CNTNAP2: variants seen among roughly 807,000 people sequenced by gnomAD.
The protein encoded by CNTNAP2 is contactin-associated protein-like 2.
In CNTNAP2, 98 loss-of-function variants were observed where a neutral mutation model predicts 155.2. The observed-to-expected ratio is 0.63, with a 90% CI of 0.54 to 0.75. The LOEUF (loss-of-function observed/expected upper bound fraction) is 0.75, where lower values mean the gene tolerates loss of function less well. CNTNAP2 is among the 30% of genes least tolerant of loss of function. CNTNAP2 has a pLI of 0.00. For synonymous variants in CNTNAP2, 651 were observed against 631.2 expected, an observed-to-expected ratio of 1.03 and a Z score of -0.47; for missense variants, 1,727 against 1,688.1, an observed-to-expected ratio of 1.02 and a Z score of -0.40.
intron 12 of CNTNAP2, among the ~76,000 whole-genome samples, chr7:147,587,034 G>A (rs1269971968): frequency 3.3e-5 from 5 of 152,224 alleles, no homozygotes; most frequent in African/African-American, 7.2e-5. Context: ...AACAAACCAC[G>A]AGAATTTGGA....
At chr7:148,108,155 G>A (rs1381299089) in intron 15 of CNTNAP2, among the ~76,000 whole-genome samples, 1 of 152,184 alleles carries the variant, frequency 6.6e-6, no homozygotes, top group Non-Finnish European at 1.5e-5. Context: ...CTCATCACCT[G>A]TCTCTGCTAC....
At chr7:146,591,615 C>G (rs1398225669) in intron 1 of CNTNAP2, among the ~76,000 whole-genome samples, 1 of 152,144 alleles carries the variant, frequency 6.6e-6, no homozygotes, top group Admixed American at 6.5e-5. Context: ...AACCCTGCAT[C>G]CATTGTCAAC....
chr7:146,136,249 C>T (rs1312022479), intron 1 of CNTNAP2, among the ~76,000 whole-genome samples: 2 of 152,094 alleles, frequency 1.3e-5, no homozygotes, highest in African/African-American at 4.8e-5. Flanking sequence ...CCAGAAATCA[C>T]CACATGTAGC....
In CNTNAP2 at chr7:147,219,938, G is replaced by A. The variant is rs113872894; in HGVS notation, c.1349-80203G>A. Among the ~76,000 whole-genome samples, 1,148 of 129,602 alleles carry A rather than the reference G, an allele frequency of 8.9e-3. 18 individuals are homozygous for A. Among genetic ancestry groups the A allele is most frequent in the African/African-American group, 0.031 (1,107 of 35,386 alleles). 85.0% of individuals were successfully genotyped at this position (129,602 alleles called of 152,430 possible). On this transcript the variant is annotated intron_variant, in intron 8 of 23. Transcript: ENST00000361727. ...CTACAGGCACCCACCACCACGCCCA[G>A]CTAATTTTTTTTTTTTTTTTTTTTG...
chr7:146,986,842 CTT>C (rs1178550688), intron 3 of CNTNAP2, among the ~76,000 whole-genome samples: 1 of 151,974 alleles, frequency 6.6e-6, no homozygotes, highest in Non-Finnish European at 1.5e-5. Flanking sequence ...TTAGCCCACT[CTT>C]TGATAGGATT....
At chr7:147,731,725 T>A (rs750493324) in intron 13 of CNTNAP2, among the ~76,000 whole-genome samples, 7 of 152,102 alleles carry the variant, frequency 4.6e-5, no homozygotes, top group Non-Finnish European at 7.4e-5. Context: ...CTAGTAGGTC[T>A]GGGCAAAATA....
chr7:147,430,996 C>T (rs942790532), intron 10 of CNTNAP2, among the ~76,000 whole-genome samples: 89 of 150,754 alleles, frequency 5.9e-4, no homozygotes, highest in African/African-American at 2.1e-3. Flanking sequence ...TGCAGTAAGC[C>T]GAGATCACGC....
At chr7:146,297,111 AT>A (rs1228712157) in intron 1 of CNTNAP2, among the ~76,000 whole-genome samples, 2 of 151,996 alleles carry the variant, frequency 1.3e-5, no homozygotes, top group Non-Finnish European at 2.9e-5. Flanking sequence ...TGTTAATTCA[AT>A]TTTTTTCTTG....
At chr7:146,674,581 A>C (rs1273544199) in intron 1 of CNTNAP2, among the ~76,000 whole-genome samples, 3 of 152,124 alleles carry the variant, frequency 2.0e-5, no homozygotes, top group East Asian at 1.9e-4. Flanking sequence ...CTGACAAAAG[A>C]GAGATTATCA....
At chr7:146,880,091 A>G (rs928848955) in intron 3 of CNTNAP2, among the ~76,000 whole-genome samples, 2 of 152,136 alleles carry the variant, frequency 1.3e-5, no homozygotes, top group African/African-American at 4.8e-5. Context: ...AACACATGGG[A>G]ATTATGGCAG....
intron 15 of CNTNAP2, among the ~76,000 whole-genome samples, chr7:147,988,312 G>A (rs2116878608): frequency 6.6e-6 from 1 of 152,248 alleles, no homozygotes; most frequent in South Asian, 2.1e-4. Flanking sequence ...TTAGGATTGG[G>A]AGGGTCTAGA....
intron 14 of CNTNAP2, among the ~76,000 whole-genome samples, chr7:147,931,682 A>G (rs1800506276): frequency 6.6e-6 from 1 of 152,212 alleles, no homozygotes; most frequent in Non-Finnish European, 1.5e-5. Context: ...AATAAACTTA[A>G]GAAGGTGAAA....
At chr7:146,582,088 AAAGTTAATGGGTAATCAATCTACCATCAC>A (rs1798620396) in intron 1 of CNTNAP2, among the ~76,000 whole-genome samples, 1 of 152,150 alleles carries the variant, frequency 6.6e-6, no homozygotes, top group Admixed American at 6.6e-5. Flanking sequence ...AACTCTAGTG[AAAGTTAATGGGTAATCAATCTACCATCAC>A]AAGTTAATGG....
chr7:148,326,275 C>A (rs1269272092), intron 21 of CNTNAP2, among the ~76,000 whole-genome samples: 1 of 152,084 alleles, frequency 6.6e-6, no homozygotes, highest in Non-Finnish European at 1.5e-5. Flanking sequence ...CTTTGGGGAT[C>A]TTTTCCATCA....
chr7:147,082,687 T>A (rs947925049), intron 4 of CNTNAP2: 4 of 152,164 alleles, frequency 2.6e-5, no homozygotes, highest in Non-Finnish European at 5.9e-5. Context: ...AATATACATT[T>A]AAGGAAGGTT....
intron 21 of CNTNAP2, among the ~76,000 whole-genome samples, chr7:148,374,361 T>A (rs1798943533): frequency 6.6e-6 from 1 of 152,154 alleles, no homozygotes; most frequent in African/African-American, 2.4e-5. Flanking sequence ...CTAACACACT[T>A]TTCCTAGCCT....
chr7:148,134,194 T>G (rs889872778), intron 16 of CNTNAP2, among the ~76,000 whole-genome samples: 1 of 152,230 alleles, frequency 6.6e-6, no homozygotes, highest in Non-Finnish European at 1.5e-5. Context: ...TCTCTGAGTT[T>G]GATTCCTCTG....
At chr7:148,361,819 T>C (rs1346050689) in intron 21 of CNTNAP2, among the ~76,000 whole-genome samples, 1 of 152,124 alleles carries the variant, frequency 6.6e-6, no homozygotes, top group African/African-American at 2.4e-5. Context: ...AAACATACAA[T>C]CATGGCAGAA....
chr7:147,493,927 G>A (rs1798650953), intron 11 of CNTNAP2, among the ~76,000 whole-genome samples: 1 of 152,182 alleles, frequency 6.6e-6, no homozygotes, highest in Non-Finnish European at 1.5e-5. Flanking sequence ...TGCAACTTCA[G>A]CATGGTGCTT....
Sources: gnomAD v4.1 joint callset for allele counts (sites outside exome capture counted in the v4.1 genomes callset) on GRCh38, gnomAD v4.1.1 for gene constraint, MANE v1.5 for transcripts, NCBI Gene and HGNC (gene_info 2026-07-23, HGNC 2026-07-21) for gene names.